Variants in SGCG observed in about 807,000 individuals in gnomAD.
SGCG encodes the protein sarcoglycan gamma.
Under a neutral mutation model 29.3 loss-of-function variants are expected in SGCG, and 26 were observed. The ratio of observed to expected loss-of-function variants is 0.89; its 90% confidence interval spans 0.65 to 1.23. The LOEUF (loss-of-function observed/expected upper bound fraction) is 1.23, where lower values mean the gene tolerates loss of function less well. Ranked by LOEUF, SGCG falls within the 50% of genes most tolerant of loss-of-function variation. The pLI is 0.00. For missense variants in SGCG, 353 were observed against 356.0 expected (o/e 0.99, Z 0.07); for synonymous variants, 145 against 129.7 (o/e 1.12, Z -0.80).
At chr13:23,223,083 C>A (rs1392225183) in intron 2 of SGCG, among the ~76,000 whole-genome samples, 3 of 151,900 alleles carry the variant, frequency 2.0e-5, no homozygotes, top group Non-Finnish European at 4.4e-5. Flanking sequence ...TCGAGACCAT[C>A]CTGGCTAACA....
intron 1 of SGCG, among the ~76,000 whole-genome samples, chr13:23,203,135 A>G (rs755498887): frequency 1.3e-5 from 2 of 151,846 alleles, no homozygotes; most frequent in Non-Finnish European, 2.9e-5. Flanking sequence ...AATTTTTTGT[A>G]TTTTTAGTAG....
intron 1 of SGCG, among the ~76,000 whole-genome samples, chr13:23,183,026 A>G (rs1465253149): frequency 6.6e-6 from 1 of 152,228 alleles, no homozygotes; most frequent in Admixed American, 6.5e-5. Context: ...TTACTTGAGA[A>G]ACATCTCTGG....
intron 6 of SGCG, among the ~76,000 whole-genome samples, chr13:23,311,717 T>C (rs1181088621): frequency 6.6e-6 from 1 of 152,212 alleles, no homozygotes; most frequent in African/African-American, 2.4e-5. Context: ...TTACTAAAGA[T>C]GAGTACAAAA....
chr13:23,225,146 G>C (rs1461329650), intron 2 of SGCG, among the ~76,000 whole-genome samples: 1 of 152,170 alleles, frequency 6.6e-6, no homozygotes, highest in Non-Finnish European at 1.5e-5. Flanking sequence ...GTGAGTGAGT[G>C]TTGGTAGGTT....
chr13:23,180,013 A>T (rs951032740), upstream of SGCG, among the ~76,000 whole-genome samples: 3 of 152,180 alleles, frequency 2.0e-5, no homozygotes, highest in Admixed American at 2.0e-4. Flanking sequence ...CAGTTTTCCG[A>T]ACCCCACCTT....
rs1274876250 is a variant in SGCG at position 23,297,239 on chromosome 13, T to TA, written c.578+1752_578+1753insA. ...ACACAGACAATCTTTTATTTTTTTT[T>TA]TTTTTGAGATGGAATTTTGCTCTTG... On this transcript the variant is annotated intron_variant, in intron 6 of 7. Transcript: ENST00000218867. 1.8e-4 allele frequency among the ~76,000 whole-genome samples: 27 copies of TA among 152,188 alleles called. 1 individual carries two copies. Among genetic ancestry groups the TA allele is most frequent in the Admixed American group, 3.9e-4 (6 of 15,292 alleles).
At chr13:23,203,604 A>T in intron 1 of SGCG, 91 bp from the exon 2 acceptor site, 1 of 863,426 alleles carries the variant, frequency 1.2e-6, no homozygotes, top group Non-Finnish European at 1.9e-6. Context: ...ATATGTTTTC[A>T]GGCTCATAGT....
chr13:23,188,487 T>TC (rs1565992134), intron 1 of SGCG, among the ~76,000 whole-genome samples: 6 of 128,006 alleles, frequency 4.7e-5, no homozygotes, highest in African/African-American at 1.6e-4. Context: ...CTAATTTTTT[T>TC]TTTTTTTTTT....
chr13:23,171,504 A>G, the SGCG span, among the ~76,000 whole-genome samples: 4 of 152,224 alleles, frequency 2.6e-5, no homozygotes, highest in African/African-American at 7.2e-5. Flanking sequence ...ATCAGAGTAC[A>G]GGATATCAGC....
intron 5 of SGCG, among the ~76,000 whole-genome samples, chr13:23,280,206 CA>C (rs1219731860): frequency 6.6e-6 from 1 of 152,090 alleles, no homozygotes; most frequent in Non-Finnish European, 1.5e-5. Flanking sequence ...ATAGGGGTCT[CA>C]TAGCACTCAT....
chr13:23,320,565 T>G, intron 6 of SGCG, 72 bp from the exon 7 acceptor site: 1 of 1,302,946 alleles, frequency 7.7e-7, no homozygotes, highest in Non-Finnish European at 1.1e-6. Flanking sequence ...CCATGCTAAG[T>G]TGAGGGATTG....
At position 23,259,008 on chromosome 13, in the gene SGCG, G is replaced by A. The variant is rs138287190; in HGVS notation, c.385+8291G>A. ...ATCAGGGATATTGGTCTAAAATTCT[G>A]TTTTGTTGTGTCTCTGCCAGGCTTT... On this transcript the variant is annotated intron_variant, in intron 4 of 7. Transcript: ENST00000218867. 1.6e-3 allele frequency among the ~76,000 whole-genome samples: 235 copies of A among 150,322 alleles called. 1 individual carries two copies. Among genetic ancestry groups the A allele is most frequent in the Non-Finnish European group, 3.0e-3 (197 of 66,776 alleles).
intron 6 of SGCG, among the ~76,000 whole-genome samples, chr13:23,300,425 C>A (rs1281881916): frequency 6.6e-6 from 1 of 152,114 alleles, no homozygotes; most frequent in Non-Finnish European, 1.5e-5. Context: ...GAGTGAGATT[C>A]CAAGTGATTG....
intron 1 of SGCG, among the ~76,000 whole-genome samples, chr13:23,188,563 C>T (rs946201097): frequency 1.1e-4 from 17 of 151,190 alleles, no homozygotes; most frequent in African/African-American, 3.7e-4. Context: ...AAGCAATCCG[C>T]CTGCCTCTGC....
At chr13:23,201,053 C>T in intron 1 of SGCG, among the ~76,000 whole-genome samples, 1 of 152,132 alleles carries the variant, frequency 6.6e-6, no homozygotes. Context: ...GAAAGGACCA[C>T]TCCAGCCTCG....
intron 6 of SGCG, among the ~76,000 whole-genome samples, chr13:23,306,808 A>G (rs559547231): frequency 6.6e-6 from 1 of 152,234 alleles, no homozygotes; most frequent in Non-Finnish European, 1.5e-5. Context: ...CATATCATCA[A>G]TTCAACAACT....
intron 1 of SGCG, among the ~76,000 whole-genome samples, chr13:23,181,783 AAC>A (rs35627419): frequency 0.22 from 32,996 of 152,152 alleles, 4,124 homozygotes; most frequent in East Asian, 0.32. Context: ...ACAACTAGCA[AAC>A]ACAATTTTTT....
the SGCG span, among the ~76,000 whole-genome samples, chr13:23,173,177 C>A: frequency 6.6e-6 from 1 of 152,144 alleles, no homozygotes; most frequent in Non-Finnish European, 1.5e-5. Flanking sequence ...TACCCACTCA[C>A]CCACCAGGTA....
intron 6 of SGCG, among the ~76,000 whole-genome samples, chr13:23,311,899 TGAC>T (rs1411314004): frequency 6.6e-6 from 1 of 152,258 alleles, no homozygotes; most frequent in East Asian, 1.9e-4. Flanking sequence ...TTAGGTCAGC[TGAC>T]AACTCCTTTC....
Sources: allele counts gnomAD v4.1 joint callset (sites outside exome capture counted in the v4.1 genomes callset), GRCh38; gene constraint gnomAD v4.1.1; transcripts MANE v1.5; gene names NCBI Gene and HGNC (gene_info 2026-07-23, HGNC 2026-07-21).